The following TTC3 variants were observed in gnomAD, a reference collection of about 807,000 sequenced individuals.
TTC3 encodes the protein tetratricopeptide repeat domain 3.
In TTC3, 180 loss-of-function variants were observed where a neutral mutation model predicts 249.6. The ratio of observed to expected loss-of-function variants is 0.72; its 90% confidence interval spans 0.64 to 0.82. The LOEUF is 0.82. Ranked by LOEUF, TTC3 falls within the 40% of genes least tolerant of loss-of-function variation. The pLI is 0.00. For missense variants in TTC3, 2,061 were observed against 2,398.4 expected (o/e 0.86, Z 2.94); for synonymous variants, 717 against 805.0 (o/e 0.89, Z 1.85).
At chr21:37,100,620 C>A (rs2074386777) in intron 10 of TTC3, among the ~76,000 whole-genome samples, 2 of 152,114 alleles carry the variant, frequency 1.3e-5, no homozygotes, top group South Asian at 2.1e-4. Flanking sequence ...CTTTCAAAAC[C>A]CCCCTGGGCC....
intron 1 of TTC3, chr21:37,086,807 G>A: frequency 6.0e-6 from 1 of 167,712 alleles, no homozygotes; most frequent in South Asian, 1.5e-4. Context: ...GAATATAACA[G>A]TTTGTGTATG....
Position 37,091,283 on chromosome 21 carries a change from T to G in TTC3, c.481-10T>G, listed in dbSNP as rs2147689219. On this transcript the variant is annotated splice_polypyrimidine_tract_variant and intron_variant, in intron 6 of 45. Transcript: ENST00000355666. The stretch of plus-strand genomic sequence containing the variant: ...CCAAAGCCCCATTCTTCATTTCTCT[T>G]TTGAAACAGAAAATCTTGGCAATGG... The G allele has an allele frequency of 1.2e-6, 2 of 1,606,072 alleles. No homozygotes were observed. The highest frequency in any genetic ancestry group is 2.0e-4 in the Middle Eastern group (1 of 4,954).
intron 10 of TTC3, among the ~76,000 whole-genome samples, chr21:37,104,601 A>G (rs201758143): frequency 0.01 from 1,543 of 151,872 alleles, 28 homozygotes; most frequent in East Asian, 0.029. Context: ...AAAAAAAAAA[A>G]AAAAAAAAGA....
intron 20 of TTC3, among the ~76,000 whole-genome samples, 182 bp from the exon 21 acceptor site, chr21:37,144,343 T>C (rs2078793910): frequency 1.3e-5 from 2 of 152,150 alleles, no homozygotes; most frequent in Non-Finnish European, 2.9e-5. Flanking sequence ...TATATTACTT[T>C]TATAGCAAAC....
chr21:37,108,256 A>G (rs902502821), intron 10 of TTC3, 136 bp from the exon 11 acceptor site: 3 of 681,276 alleles, frequency 4.4e-6, no homozygotes, highest in African/African-American at 1.8e-5. Context: ...GACATATATT[A>G]TATGGATTTT....
At chr21:37,160,009 A>G (rs1315720241) in intron 29 of TTC3, among the ~76,000 whole-genome samples, 2 of 152,242 alleles carry the variant, frequency 1.3e-5, no homozygotes, top group East Asian at 3.8e-4. Flanking sequence ...TAATATTCTA[A>G]TTAAGAAAGG....
intron 18 of TTC3, among the ~76,000 whole-genome samples, chr21:37,138,419 CT>C (rs1355289780): frequency 6.6e-6 from 1 of 152,158 alleles, no homozygotes; most frequent in Non-Finnish European, 1.5e-5. Context: ...GACAGTGATT[CT>C]GTGTTTTAAA....
intron 10 of TTC3, among the ~76,000 whole-genome samples, chr21:37,105,091 G>T (rs564876262): frequency 1.3e-5 from 2 of 152,258 alleles, no homozygotes; most frequent in East Asian, 3.9e-4. Flanking sequence ...GTAAAAGAGT[G>T]GTCAGCAGTG....
Position 37,087,209 on chromosome 21 carries a change from G to A in TTC3, c.-11-38G>A, listed in dbSNP as rs780987842. On this transcript the variant is annotated intron_variant, in intron 1 of 45. Coordinates refer to ENST00000355666, the Ensembl canonical transcript of TTC3. ...AAAACTTTCTTCTGTTATCTCAAAT[G>A]ATTTAATTACTGACTTGAGTTTGTG... 3.8e-6 allele frequency: 6 copies of A among 1,599,276 alleles called. 1 individual carries two copies. Among genetic ancestry groups the A allele is most frequent in the Admixed American group, 3.5e-5 (2 of 57,734 alleles).
intron 30 of TTC3, 107 bp from the exon 31 acceptor site, chr21:37,161,883 C>G: frequency 1.5e-6 from 1 of 678,378 alleles, no homozygotes; most frequent in Non-Finnish European, 2.3e-6. Context: ...TATATATCAG[C>G]AATTTGTATG....
intron 28 of TTC3, 191 bp downstream of exon 28, chr21:37,157,097 G>A: frequency 7.1e-7 from 1 of 1,399,216 alleles, no homozygotes; most frequent in Non-Finnish European, 9.7e-7. Context: ...TACTTTATCA[G>A]TTAAAGAGAT....
At chr21:37,201,627 A>G in exon 46 of TTC3, 3 of 1,578,650 alleles carry the variant, frequency 1.9e-6, no homozygotes, top group South Asian at 1.1e-5. Flanking sequence ...AAGAATGACA[A>G]TTTTCTACCA....
chr21:37,187,630 C>T (rs1201898828), intron 38 of TTC3: 1 of 152,338 alleles, frequency 6.6e-6, no homozygotes, highest in East Asian at 1.9e-4. Flanking sequence ...TGACATCTGG[C>T]TGTATTTTAT....
At chr21:37,103,732 C>T (rs930647823) in intron 10 of TTC3, among the ~76,000 whole-genome samples, 1 of 152,164 alleles carries the variant, frequency 6.6e-6, no homozygotes, top group Non-Finnish European at 1.5e-5. Context: ...CTCTGTGTTT[C>T]AGACAGTGGG....
chr21:37,090,619 A>G (rs1000281059), intron 6 of TTC3: 1 of 797,272 alleles, frequency 1.3e-6, no homozygotes, highest in Non-Finnish European at 1.5e-6. Context: ...TATAATTACT[A>G]GGTAATCTCC....
chr21:37,165,545 C>T lies in TTC3; in HGVS notation c.3336-5C>T. 1 of 1,571,054 alleles carries T rather than the reference C, an allele frequency of 6.4e-7. No homozygotes were observed. Among genetic ancestry groups the T allele is most frequent in the Non-Finnish European group, 8.6e-7 (1 of 1,161,020 alleles). On this transcript the variant is annotated splice_polypyrimidine_tract_variant and splice_region_variant and intron_variant, in intron 32 of 45. Coordinates refer to ENST00000355666, the Ensembl canonical transcript of TTC3. ...TAACTCATGTAAATGTAAATTTTTTCCAAGTTACTTCTCTCAGTTTTTGGA... is the reference window on the plus strand; with the variant it reads ...TAACTCATGTAAATGTAAATTTTTTTCAAGTTACTTCTCTCAGTTTTTGGA...
exon 2 of TTC3, chr21:37,087,398 G>A (rs1371359839): frequency 6.2e-6 from 10 of 1,613,512 alleles, no homozygotes; most frequent in Non-Finnish European, 8.5e-6. Context: ...ACTGTGATGG[G>A]GTGGTAAGTA....
chr21:37,187,332 C>T (rs574280121), intron 38 of TTC3, among the ~76,000 whole-genome samples, 187 bp downstream of exon 38: 21 of 152,260 alleles, frequency 1.4e-4, no homozygotes, highest in South Asian at 2.1e-4. Flanking sequence ...AATGTTTTAC[C>T]GGTATTATGT....
intron 14 of TTC3, among the ~76,000 whole-genome samples, chr21:37,125,420 C>T (rs1329005938): frequency 2.0e-5 from 3 of 152,156 alleles, no homozygotes; most frequent in Non-Finnish European, 4.4e-5. Context: ...ATATTACTGA[C>T]TATGCAATTT....
Sources: allele counts gnomAD v4.1 joint callset (sites outside exome capture counted in the v4.1 genomes callset), GRCh38; gene constraint gnomAD v4.1.1; transcripts MANE v1.5; gene names NCBI Gene and HGNC (gene_info 2026-07-23, HGNC 2026-07-21).